The following MYO3B variants were observed in gnomAD, a reference collection of about 807,000 sequenced individuals.
MYO3B encodes the protein myosin IIIB.
A neutral mutation model predicts 174.6 loss-of-function variants in MYO3B; 156 were observed. The observed-to-expected ratio is 0.89, with a 90% confidence interval of 0.78 to 1.02. The LOEUF is 1.02. Among genes scored for constraint, MYO3B ranks in the 50% least tolerant of loss-of-function variants. The pLI, the probability that MYO3B is intolerant of heterozygous loss-of-function variation, is 0.00. For missense variants in MYO3B, 1,632 were observed against 1,639.4 expected (o/e 1.00, Z 0.08); for synonymous variants, 563 against 569.1 (o/e 0.99, Z 0.15).
intron 32 of MYO3B, among the ~76,000 whole-genome samples, chr2:170,549,050 C>A (rs1690715923): frequency 6.6e-6 from 1 of 151,966 alleles, no homozygotes; most frequent in African/African-American, 2.4e-5. Context: ...TGAGAAAATC[C>A]CCTATGAATA....
Position 170,529,400 on chromosome 2 carries a change from C to A in MYO3B, c.3575+9860C>A, listed in dbSNP as rs193268937. Among the ~76,000 whole-genome samples the A allele has an allele frequency of 9.9e-5, 15 of 152,028 alleles. No homozygotes were observed. The East Asian group carries it at 2.9e-3, about 29-fold the overall frequency. Reference sequence around the variant, plus strand: ...AATTTCAGTCTCCCTTAGACCTCTCCTTTCCTTCCTTCCCTTCTGTCCTCC... The same window carrying A: ...AATTTCAGTCTCCCTTAGACCTCTCATTTCCTTCCTTCCCTTCTGTCCTCC... On this transcript the variant is annotated intron_variant, in intron 30 of 34. Coordinates refer to ENST00000408978, the MANE Select transcript of MYO3B (RefSeq NM_138995.5).
intron 32 of MYO3B, among the ~76,000 whole-genome samples, chr2:170,597,911 C>T (rs1201028600): frequency 6.6e-6 from 1 of 152,138 alleles, no homozygotes; most frequent in Non-Finnish European, 1.5e-5. Flanking sequence ...ACAAACAATT[C>T]TAAAAGGGTC....
intron 7 of MYO3B, among the ~76,000 whole-genome samples, chr2:170,255,953 T>C (rs2093300970): frequency 6.6e-6 from 1 of 152,198 alleles, no homozygotes; most frequent in African/African-American, 2.4e-5. Context: ...ATAATCAAAC[T>C]GAACTTCTGG....
intron 7 of MYO3B, among the ~76,000 whole-genome samples, chr2:170,303,775 C>T (rs754548317): frequency 9.2e-5 from 14 of 152,090 alleles, no homozygotes; most frequent in African/African-American, 3.1e-4. Context: ...TGTATCTATT[C>T]GTGTGTTTAT....
chr2:170,531,204 G>A lies in MYO3B; in HGVS notation c.3575+11664G>A, dbSNP rs1429007831. On this transcript the variant is annotated intron_variant, in intron 30 of 34. Coordinates refer to ENST00000408978, the MANE Select transcript of MYO3B (RefSeq NM_138995.5). ...AAGTACCTGGAGTGATGACAGACAT[G>A]TAGACAGTTTCCAAATGCCCCATTT... 2.0e-5 allele frequency among the ~76,000 whole-genome samples: 3 copies of A among 152,188 alleles called. No individual in the cohort carries two copies. In the East Asian group the frequency reaches 5.8e-4, roughly 29 times the overall value.
chr2:170,336,103 C>A (rs2093945820), intron 8 of MYO3B, among the ~76,000 whole-genome samples: 1 of 151,874 alleles, frequency 6.6e-6, no homozygotes, highest in Non-Finnish European at 1.5e-5. Flanking sequence ...GGCTTTTGGA[C>A]CACACTGGTC....
chr2:170,467,656 A>G (rs1684727730), intron 25 of MYO3B, among the ~76,000 whole-genome samples: 1 of 151,896 alleles, frequency 6.6e-6, no homozygotes, highest in Admixed American at 6.6e-5. Context: ...AATCTGCCTC[A>G]CTCCTTAAGC....
At chr2:170,374,050 A>G (rs10176156) in intron 9 of MYO3B, among the ~76,000 whole-genome samples, 49,487 of 152,042 alleles carry the variant, frequency 0.33, 8,586 homozygotes, top group African/African-American at 0.45. Flanking sequence ...ATGCATGTAG[A>G]GCATTCAGGA....
intron 32 of MYO3B, among the ~76,000 whole-genome samples, chr2:170,567,531 A>T (rs1345177649): frequency 1.3e-5 from 2 of 152,210 alleles, no homozygotes; most frequent in Non-Finnish European, 2.9e-5. Context: ...AGTTAACAGG[A>T]CACAAAACTC....
At chr2:170,463,128 AG>A (rs1458254033) in intron 23 of MYO3B, among the ~76,000 whole-genome samples, 3 of 152,246 alleles carry the variant, frequency 2.0e-5, no homozygotes, top group Non-Finnish European at 4.4e-5. Flanking sequence ...TAGAAATAAG[AG>A]GGGTTTACAC....
At chr2:170,581,074 T>G (rs1317644406) in intron 32 of MYO3B, among the ~76,000 whole-genome samples, 3 of 152,172 alleles carry the variant, frequency 2.0e-5, no homozygotes. Flanking sequence ...AGGATGCACA[T>G]CTACCATTCA....
At chr2:170,628,987 CA>C (rs1294413399) in intron 32 of MYO3B, among the ~76,000 whole-genome samples, 1 of 152,106 alleles carries the variant, frequency 6.6e-6, no homozygotes, top group Non-Finnish European at 1.5e-5. Context: ...TCCATGAGAA[CA>C]GTGAGAAAAG....
chr2:170,266,394 A>T (rs2093383548), intron 7 of MYO3B, among the ~76,000 whole-genome samples: 1 of 152,196 alleles, frequency 6.6e-6, no homozygotes, highest in Admixed American at 6.5e-5. Flanking sequence ...TAGGTAACTG[A>T]TCAAGGTAGT....
Position 170,519,490 on chromosome 2 carries a change from T to C in MYO3B, c.3525T>C (p.Asn1175=), listed in dbSNP as rs759488578. ...GCCATTCACAAGCAGAATCCAACAATGGCCGTACACAGACTTCAAGCAACT... is the reference window on the plus strand; with the variant it reads ...GCCATTCACAAGCAGAATCCAACAACGGCCGTACACAGACTTCAAGCAACT... ...RRSHSQAESN[N]GRTQTSSNSP... is the part of the protein sequence containing the mutation. Residue 1175 remains asparagine (N), a synonymous_variant, in exon 30 of 35, where the codon AAT becomes AAC. Coordinates refer to ENST00000408978, the MANE Select transcript of MYO3B (RefSeq NM_138995.5). 1.9e-6 allele frequency: 3 copies of C among 1,613,782 alleles called. No individual in the cohort carries two copies. The highest frequency in any genetic ancestry group is 1.3e-5 in the African/African-American group (1 of 74,864).
At chr2:170,505,960 AC>A (rs1316847512) in intron 28 of MYO3B, among the ~76,000 whole-genome samples, 2 of 152,188 alleles carry the variant, frequency 1.3e-5, no homozygotes, top group Non-Finnish European at 2.9e-5. Context: ...TCAGCTTCCT[AC>A]ATACTCCCCT....
intron 1 of MYO3B, 110 bp downstream of exon 1, chr2:170,178,399 C>T: frequency 1.5e-6 from 2 of 1,378,390 alleles, no homozygotes; most frequent in Non-Finnish European, 2.1e-6. Flanking sequence ...AGGGGGATGA[C>T]AGCCACTCTG....
intron 7 of MYO3B, among the ~76,000 whole-genome samples, chr2:170,260,588 C>T (rs779576578): frequency 6.6e-6 from 1 of 152,196 alleles, no homozygotes; most frequent in Non-Finnish European, 1.5e-5. Context: ...GAAAAACCAC[C>T]TATTGGGTAC....
intron 23 of MYO3B, among the ~76,000 whole-genome samples, chr2:170,445,126 T>C (rs1350877553): frequency 3.9e-5 from 6 of 152,188 alleles, no homozygotes; most frequent in African/African-American, 1.4e-4. Context: ...ATGTTTCTGT[T>C]AAAAGACACC....
At chr2:170,305,548 A>G (rs2093695506) in intron 7 of MYO3B, among the ~76,000 whole-genome samples, 1 of 152,096 alleles carries the variant, frequency 6.6e-6, no homozygotes, top group Admixed American at 6.5e-5. Context: ...TTGAATAATA[A>G]TGGGGAGAAA....
Sources: gnomAD v4.1 joint callset for allele counts (sites outside exome capture counted in the v4.1 genomes callset) on GRCh38, gnomAD v4.1.1 for gene constraint, MANE v1.5 for transcripts, NCBI Gene and HGNC (gene_info 2026-07-23, HGNC 2026-07-21) for gene names.